The following RARB variants were observed in gnomAD, a reference collection of about 807,000 sequenced individuals.
The protein encoded by RARB is HBV-activated protein.
In RARB, 17 loss-of-function variants were observed where a neutral mutation model predicts 51.9. The ratio of observed to expected loss-of-function variants is 0.33; its 90% CI spans 0.22 to 0.49. RARB has a LOEUF of 0.49. Ranked by LOEUF, RARB falls within the 20% of genes least tolerant of loss-of-function variation. The pLI, the probability that RARB is intolerant of heterozygous loss-of-function variation, is 0.99. For synonymous variants in RARB, 215 were observed against 195.4 expected (o/e 1.10, Z -0.84); for missense variants, 369 against 550.8 (o/e 0.67, Z 3.30).
chr3:25,464,463 C>T (rs1695334462), intron 2 of RARB, among the ~76,000 whole-genome samples: 1 of 152,100 alleles, frequency 6.6e-6, no homozygotes, highest in Admixed American at 6.6e-5. Context: ...CCAATAAGGT[C>T]AGGTGAGTTC....
In RARB at chr3:25,597,552, G is replaced by GTAAC. The variant is rs1385618025; in HGVS notation, c.*938_*941dup. 3 of 152,722 alleles carry GTAAC rather than the reference G, an allele frequency of 2.0e-5. No individual in the cohort carries two copies. Among genetic ancestry groups the GTAAC allele is most frequent in the African/African-American group, 7.2e-5 (3 of 41,552 alleles). 9.5% of individuals were successfully genotyped at this position (152,722 alleles called of 1,614,324 possible). On this transcript the variant is annotated 3_prime_UTR_variant, in exon 8 of 8. Transcript: ENST00000330688. Reference sequence around the variant, plus strand: ...CAGGCTGGTCTACCACCTGGACCATGTAACTCTAGTGTCCTTCCTGATTCA... The same window carrying GTAAC: ...CAGGCTGGTCTACCACCTGGACCATGTAACTAACTCTAGTGTCCTTCCTGATTCA...
chr3:25,542,412 G>A (rs959349090), intron 3 of RARB, among the ~76,000 whole-genome samples: 1 of 152,210 alleles, frequency 6.6e-6, no homozygotes, highest in African/African-American at 2.4e-5. Context: ...ATGGGGTAGA[G>A]GTAATTTTTC....
chr3:25,338,423 CAGAG>C (rs1409199222), intron 5 of RARB, among the ~76,000 whole-genome samples: 2 of 152,114 alleles, frequency 1.3e-5, no homozygotes, highest in Non-Finnish European at 2.9e-5. Context: ...TGAAGAGAAA[CAGAG>C]AGACATTCTC....
At chr3:25,028,869 G>C (rs979157998) in intron 2 of RARB, among the ~76,000 whole-genome samples, 69 of 152,114 alleles carry the variant, frequency 4.5e-4, no homozygotes, top group African/African-American at 1.6e-3. Context: ...CCCGTTCTGG[G>C]GCTCTCGTGA....
rs543168025 is a variant in RARB, at chr3:24,830,944, T to A, written c.-459+1541T>A. ...GCCCTGAAGCTAAAATTTTACAGGA[T>A]GGGGGTGCAATAAGTTTGATTATTT... On this transcript the variant is annotated intron_variant, in intron 1 of 11. Coordinates refer to the RARB transcript ENST00000383772. Among the ~76,000 whole-genome samples the A allele has an allele frequency of 1.6e-3, 236 of 152,138 alleles. 4 individuals are homozygous for A. Among genetic ancestry groups the A allele is most frequent in the South Asian group, 7.7e-3 (37 of 4,806 alleles).
intron 1 of RARB, among the ~76,000 whole-genome samples, chr3:24,847,612 C>A (rs1702501439): frequency 6.6e-6 from 1 of 152,150 alleles, no homozygotes; most frequent in Admixed American, 6.5e-5. Context: ...ATAGGGTGAC[C>A]AGCTGTCTGG....
intron 2 of RARB, among the ~76,000 whole-genome samples, chr3:24,933,926 CCAA>C (rs1159314057): frequency 6.6e-6 from 1 of 152,022 alleles, no homozygotes; most frequent in Non-Finnish European, 1.5e-5. Flanking sequence ...TCTGTATATT[CCAA>C]CAAGGTAATC....
intron 5 of RARB, among the ~76,000 whole-genome samples, chr3:25,286,255 AT>A (rs1196533675): frequency 2.6e-5 from 4 of 151,692 alleles, no homozygotes; most frequent in Non-Finnish European, 4.4e-5. Flanking sequence ...TGCCCAGCTA[AT>A]TTTTTGTATT....
Position 25,183,706 on chromosome 3 carries a change from G to A in RARB, c.178+9131G>A, listed in dbSNP as rs543409042. 1.8e-3 allele frequency among the ~76,000 whole-genome samples: 271 copies of A among 152,056 alleles called. 2 individuals are homozygous for A. The highest frequency in any genetic ancestry group is 2.3e-3 in the Non-Finnish European group (156 of 67,990). Reference sequence around the variant, plus strand: ...AGGATTTGTATACTATAAATTTATCGTACAAACTTACATATTGACTTTGCC... The same window carrying A: ...AGGATTTGTATACTATAAATTTATCATACAAACTTACATATTGACTTTGCC... On this transcript the variant is annotated intron_variant, in intron 5 of 11. Coordinates refer to the RARB transcript ENST00000383772.
intron 3 of RARB, among the ~76,000 whole-genome samples, chr3:25,083,146 T>TC (rs397689491): frequency 4.6e-5 from 7 of 151,866 alleles, no homozygotes; most frequent in African/African-American, 1.7e-4. Flanking sequence ...TTTCTTTTTT[T>TC]CTGATTGGGA....
chr3:25,379,874 T>G (rs1016432865), intron 5 of RARB, among the ~76,000 whole-genome samples: 1 of 152,192 alleles, frequency 6.6e-6, no homozygotes, highest in African/African-American at 2.4e-5. Flanking sequence ...GTGTCTTAGA[T>G]TCCATGAAAT....
intron 3 of RARB, among the ~76,000 whole-genome samples, chr3:25,125,018 G>A (rs1283499179): frequency 6.6e-6 from 1 of 152,152 alleles, no homozygotes; most frequent in Non-Finnish European, 1.5e-5. Context: ...AAAAATTCTT[G>A]ATTGAGATCA....
chr3:25,111,381 G>C (rs1384186452), intron 3 of RARB, among the ~76,000 whole-genome samples: 4 of 152,006 alleles, frequency 2.6e-5, no homozygotes, highest in Non-Finnish European at 5.9e-5. Flanking sequence ...TTAACCACTA[G>C]GAACACTGTT....
chr3:25,472,408 G>C (rs1695741583), intron 2 of RARB, among the ~76,000 whole-genome samples: 1 of 152,156 alleles, frequency 6.6e-6, no homozygotes, highest in African/African-American at 2.4e-5. Context: ...CTGCAAAGTC[G>C]ACTCAGAGAT....
chr3:24,927,608 G>T (rs1396413208), intron 2 of RARB, among the ~76,000 whole-genome samples: 1 of 151,980 alleles, frequency 6.6e-6, no homozygotes, highest in Non-Finnish European at 1.5e-5. Flanking sequence ...AAAGAAGCCT[G>T]TTGCTTTTAA....
At chr3:25,493,865 T>C (rs1287185908) in intron 2 of RARB, among the ~76,000 whole-genome samples, 2 of 152,192 alleles carry the variant, frequency 1.3e-5, no homozygotes, top group Non-Finnish European at 2.9e-5. Context: ...TTAAACCTGA[T>C]ATCAATGGCT....
intron 2 of RARB, among the ~76,000 whole-genome samples, chr3:25,472,683 T>G (rs768187793): frequency 2.6e-4 from 40 of 152,344 alleles, no homozygotes; most frequent in Middle Eastern, 3.4e-3. Context: ...TAAATACATT[T>G]CTGTAAGGTT....
At chr3:24,883,908 A>G (rs1330008923) in intron 2 of RARB, among the ~76,000 whole-genome samples, 1 of 152,146 alleles carries the variant, frequency 6.6e-6, no homozygotes, top group Non-Finnish European at 1.5e-5. Context: ...TTCTCATTTT[A>G]GGCTCTATGT....
At chr3:24,920,480 T>C (rs970391458) in intron 2 of RARB, among the ~76,000 whole-genome samples, 2 of 152,172 alleles carry the variant, frequency 1.3e-5, no homozygotes, top group African/African-American at 4.8e-5. Context: ...CACTGTAGCT[T>C]CAGCTGTTAA....
Sources: gnomAD v4.1 joint callset for allele counts (sites outside exome capture counted in the v4.1 genomes callset) on GRCh38, gnomAD v4.1.1 for gene constraint, MANE v1.5 for transcripts, NCBI Gene and HGNC (gene_info 2026-07-23, HGNC 2026-07-21) for gene names.